Variants in CHRDL1 observed in about 807,000 individuals in gnomAD.
The protein encoded by CHRDL1 is chordin-like protein 1.
CHRDL1 carries 19 observed loss-of-function variants against 40.9 expected under a neutral mutation model. That is an observed-to-expected ratio of 0.46 (90% CI 0.32 to 0.68). The LOEUF is 0.68. Ranked by LOEUF, CHRDL1 falls within the 30% of genes least tolerant of loss-of-function variation. The probability of loss-of-function intolerance (pLI) is 0.03; values close to 1 mark genes in which losing one functional copy is unlikely to be tolerated. For synonymous variants in CHRDL1, 136 were observed against 123.4 expected (o/e 1.10, Z -0.68); for missense variants, 329 against 352.1 (o/e 0.93, Z 0.53).
rs186428028 is a variant in CHRDL1 at position 110,786,185 on chromosome X, T to C, written c.94+5903A>G. Among the ~76,000 whole-genome samples, 827 of 112,121 alleles carry C rather than the reference T, an allele frequency of 7.4e-3. 9 individuals carry two copies. The highest frequency in any genetic ancestry group is 0.025 in the African/African-American group (785 of 30,938). On this transcript the variant is annotated intron_variant, in intron 2 of 11. Coordinates refer to ENST00000372042, the MANE Select transcript of CHRDL1 (RefSeq NM_001143981.2). ...ACCCAAAGTTTCTCTTTTCATCCTT[T>C]TGGGAGGCATAAGCCAGATTTACAT...
chrX:110,712,361 A>G (rs775039711), intron 6 of CHRDL1, among the ~76,000 whole-genome samples: 68 of 111,249 alleles, frequency 6.1e-4, no homozygotes, highest in African/African-American at 1.5e-3. Flanking sequence ...AGTGAAGCAC[A>G]TAACAGGAGG....
intron 4 of CHRDL1, among the ~76,000 whole-genome samples, chrX:110,724,397 T>C (rs2071019176): frequency 9.0e-6 from 1 of 110,933 alleles, no homozygotes; most frequent in African/African-American, 3.3e-5. Context: ...CAACAGGAGA[T>C]AGGGAGAAAG....
rs969829528 is a variant in CHRDL1, at chrX:110,774,364, C to A, written c.95-11557G>T. On this transcript the variant is annotated intron_variant, in intron 2 of 11. Transcript: ENST00000372042. The stretch of plus-strand genomic sequence containing the variant: ...TTCCTTTTGTATAGCTGAAAATATT[C>A]TTTGGTATGCATTACAATAAGTGAA... Among the ~76,000 whole-genome samples the A allele has an allele frequency of 2.7e-5, 3 of 111,442 alleles. No individual in the cohort carries two copies. The Admixed American group carries it at 2.9e-4, about 11-fold the overall frequency.
chrX:110,733,931 CAA>C (rs1172760631), intron 4 of CHRDL1, among the ~76,000 whole-genome samples: 145 of 12,112 alleles, frequency 0.012, 2 homozygotes, highest in African/African-American at 0.03. Context: ...AACTCTGTCT[CAA>C]AAAAAAAAAA....
chrX:110,770,271 C>T (rs908702142), intron 2 of CHRDL1, among the ~76,000 whole-genome samples: 9 of 111,668 alleles, frequency 8.1e-5, no homozygotes, highest in Non-Finnish European at 1.1e-4. Context: ...TATACATAAT[C>T]CCAGTACAGG....
chrX:110,787,005 G>A (rs1602428931), intron 2 of CHRDL1, among the ~76,000 whole-genome samples: 2 of 111,582 alleles, frequency 1.8e-5, no homozygotes, highest in Admixed American at 9.5e-5. Context: ...CACTTAATTC[G>A]GAGACCTGGG....
intron 4 of CHRDL1, among the ~76,000 whole-genome samples, chrX:110,748,842 G>T (rs2089303175): frequency 8.9e-6 from 1 of 112,342 alleles, no homozygotes; most frequent in African/African-American, 3.2e-5. Flanking sequence ...TGGGTATAGA[G>T]ATTCAGTTTG....
At chrX:110,745,002 C>T (rs1362152616) in intron 4 of CHRDL1, among the ~76,000 whole-genome samples, 1 of 108,043 alleles carries the variant, frequency 9.3e-6, no homozygotes, top group Admixed American at 9.9e-5. Flanking sequence ...CACATACATA[C>T]CACACAATGT....
intron 2 of CHRDL1, among the ~76,000 whole-genome samples, chrX:110,789,191 G>GT (rs2090061364): frequency 9.0e-6 from 1 of 111,605 alleles, no homozygotes; most frequent in African/African-American, 3.2e-5. Context: ...AATTGAACTA[G>GT]TACATAATCG....
intron 2 of CHRDL1, among the ~76,000 whole-genome samples, chrX:110,769,507 G>C (rs960606053): frequency 8.9e-6 from 1 of 112,618 alleles, no homozygotes; most frequent in Non-Finnish European, 1.9e-5. Context: ...AGGCAAGTCA[G>C]AAAAGAAGAA....
intron 2 of CHRDL1, among the ~76,000 whole-genome samples, chrX:110,772,468 G>C (rs1331894082): frequency 8.9e-6 from 1 of 112,542 alleles, no homozygotes; most frequent in African/African-American, 3.2e-5. Context: ...GTGAAACCCT[G>C]TTTCTACTAA....
At chrX:110,698,481 T>C (rs1276252396) in intron 7 of CHRDL1, among the ~76,000 whole-genome samples, 1 of 112,135 alleles carries the variant, frequency 8.9e-6, no homozygotes, top group East Asian at 2.8e-4. Context: ...TATCTATCCC[T>C]TTTAGAACAA....
At chrX:110,757,104 G>A (rs2089468602) in intron 4 of CHRDL1, among the ~76,000 whole-genome samples, 1 of 111,010 alleles carries the variant, frequency 9.0e-6, no homozygotes, top group African/African-American at 3.3e-5. Context: ...TATCATTTTA[G>A]GGAGAATATC....
intron 7 of CHRDL1, among the ~76,000 whole-genome samples, chrX:110,697,307 C>G (rs1285159261): frequency 9.2e-6 from 1 of 109,182 alleles, no homozygotes; most frequent in Non-Finnish European, 1.9e-5. Flanking sequence ...TTGGTGTAGA[C>G]AAGAAAACAT....
chrX:110,769,192 T>G (rs1177192869), intron 2 of CHRDL1, among the ~76,000 whole-genome samples: 1 of 112,255 alleles, frequency 8.9e-6, no homozygotes, highest in Non-Finnish European at 1.9e-5. Context: ...TGACAAATGA[T>G]TGGTAAATTG....
At chrX:110,723,004 A>C (rs1181237170) in intron 4 of CHRDL1, among the ~76,000 whole-genome samples, 3 of 111,449 alleles carry the variant, frequency 2.7e-5, no homozygotes, top group Non-Finnish European at 5.7e-5. Context: ...TAATCCCAGC[A>C]CTTTGGGAGG....
chrX:110,757,698 A>T (rs1242684636), intron 4 of CHRDL1, among the ~76,000 whole-genome samples: 1 of 112,045 alleles, frequency 8.9e-6, no homozygotes, highest in Non-Finnish European at 1.9e-5. Context: ...GGAAAAGAAA[A>T]GGAATAGTTT....
At chrX:110,754,639 C>T (rs1212461748) in intron 4 of CHRDL1, among the ~76,000 whole-genome samples, 1 of 111,745 alleles carries the variant, frequency 8.9e-6, no homozygotes, top group Non-Finnish European at 1.9e-5. Context: ...TCTCTCTTGG[C>T]AAACCACACT....
chrX:110,718,887 T>C (rs1219992874), intron 6 of CHRDL1, among the ~76,000 whole-genome samples: 1 of 111,908 alleles, frequency 8.9e-6, no homozygotes, highest in African/African-American at 3.2e-5. Flanking sequence ...TTGTGTAGGT[T>C]GTGTGCTGCA....
Sources: allele counts gnomAD v4.1 joint callset (sites outside exome capture counted in the v4.1 genomes callset), GRCh38; gene constraint gnomAD v4.1.1; transcripts MANE v1.5; gene names NCBI Gene and HGNC (gene_info 2026-07-23, HGNC 2026-07-21).